The following DCAF5 variants were observed in gnomAD, a reference collection of about 807,000 sequenced individuals.
DCAF5 encodes DDB1 and CUL4 associated factor 5.
In DCAF5, 9 loss-of-function variants were observed where a neutral mutation model predicts 80.7. The ratio of observed to expected loss-of-function variants is 0.11; its 90% confidence interval spans 0.07 to 0.19. The LOEUF (loss-of-function observed/expected upper bound fraction) is 0.19. DCAF5 is among the 10% of genes least tolerant of loss of function. The pLI, the probability that DCAF5 is intolerant of heterozygous loss-of-function variation, is 1.00. For synonymous variants in DCAF5, 433 were observed against 461.9 expected (o/e 0.94, Z 0.80); for missense variants, 842 against 1,205.7 (o/e 0.70, Z 4.47).
intron 6 of DCAF5, among the ~76,000 whole-genome samples, chr14:69,078,610 A>G (rs1460007928): frequency 6.6e-6 from 1 of 152,202 alleles, no homozygotes; most frequent in African/African-American, 2.4e-5. Context: ...ATGCTACAAC[A>G]TGGATCAACT....
chr14:69,084,707 T>G, intron 6 of DCAF5: 1 of 1,285,526 alleles, frequency 7.8e-7, no homozygotes, highest in Non-Finnish European at 1.1e-6. Context: ...CCACTATGAG[T>G]TGCTGAACTA....
At chr14:69,148,120 A>T (rs1186159831) in intron 1 of DCAF5, among the ~76,000 whole-genome samples, 3 of 147,272 alleles carry the variant, frequency 2.0e-5, no homozygotes, top group African/African-American at 7.3e-5. Context: ...AAAAAAAAAA[A>T]ACTTTAAACA....
At chr14:69,062,661 T>C (rs2139849808) in intron 7 of DCAF5, 150 bp from the exon 8 acceptor site, 1 of 855,232 alleles carries the variant, frequency 1.2e-6, no homozygotes, top group East Asian at 2.7e-5. Context: ...TAAGTTGCTA[T>C]GGAAAGAGAG....
intron 5 of DCAF5, among the ~76,000 whole-genome samples, chr14:69,098,715 C>T (rs1221350165): frequency 1.8e-4 from 21 of 113,670 alleles, no homozygotes; most frequent in African/African-American, 7.2e-4. Flanking sequence ...AACTCTGTCT[C>T]TACTAAAAAT....
At position 69,054,271 on chromosome 14, in the gene DCAF5, G is replaced by T. The variant is rs2037865125; in HGVS notation, c.2415C>A (p.Leu805=). ...TGGGACAGTTGCCAGACCCGCTGTT[G>T]AGAGTGGAGCCAGATGCCTTGGGGA... ...PPVPKASGST[L]NSGSGNCPRT... Residue 805 remains leucine (L), a synonymous_variant, in exon 9 of 9, where the codon CTC becomes CTA. Coordinates refer to ENST00000341516, the MANE Select transcript of DCAF5 (RefSeq NM_003861.3). 1 of 1,614,142 alleles carries T rather than the reference G, an allele frequency of 6.2e-7. No individual in the cohort carries two copies. The highest frequency in any genetic ancestry group is 1.3e-5 in the African/African-American group (1 of 74,956).
At chr14:69,087,633 G>C (rs571144635) in intron 6 of DCAF5, among the ~76,000 whole-genome samples, 2 of 152,286 alleles carry the variant, frequency 1.3e-5, no homozygotes, top group Non-Finnish European at 2.9e-5. Flanking sequence ...GTAGCCAAAA[G>C]GGGGGAAGAC....
intron 8 of DCAF5, among the ~76,000 whole-genome samples, chr14:69,060,692 C>G (rs918004694): frequency 6.6e-6 from 1 of 152,066 alleles, no homozygotes; most frequent in Non-Finnish European, 1.5e-5. Flanking sequence ...CCACCACACC[C>G]GACTAATTTT....
intron 6 of DCAF5, chr14:69,084,189 T>C (rs560171239): frequency 2.1e-6 from 2 of 949,402 alleles, no homozygotes. Context: ...TTTGGTGTTC[T>C]TAAGGAGCTA....
At chr14:69,066,478 A>G (rs2139864453) in intron 7 of DCAF5, among the ~76,000 whole-genome samples, 1 of 152,256 alleles carries the variant, frequency 6.6e-6, no homozygotes, top group African/African-American at 2.4e-5. Flanking sequence ...TTGAGGCCAA[A>G]GTCCCCATAT....
chr14:69,076,538 AAGAC>A (rs1267817071), intron 6 of DCAF5, among the ~76,000 whole-genome samples: 3 of 152,232 alleles, frequency 2.0e-5, no homozygotes, highest in African/African-American at 7.2e-5. Context: ...CAGAAACAAA[AAGAC>A]AGATATTGTA....
At position 69,054,695 on chromosome 14, in the gene DCAF5, T is replaced by C. The variant is rs1276460945; in HGVS notation, c.1991A>G (p.Tyr664Cys). The C allele has an allele frequency of 1.2e-6, 2 of 1,614,144 alleles. No individual in the cohort carries two copies. Among genetic ancestry groups the C allele is most frequent in the Non-Finnish European group, 1.7e-6 (2 of 1,180,060 alleles). ...GATATAAGAGTAGCGGAGCCACTTG[T>C]AAGCTTTATAAATTTTTCGCTCAAC... ...ESVERKIYKA[Y>C]KWLRYSYISY... Residue 664 changes from tyrosine (Y) to cysteine (C), a missense_variant, in exon 9 of 9, where the codon TAC becomes TGC. Physicochemically the swap from Tyr to Cys is radical, Grantham distance 194. Coordinates refer to ENST00000341516, the MANE Select transcript of DCAF5 (RefSeq NM_003861.3).
In DCAF5 at chr14:69,055,054, T is replaced by G. The variant is rs1305040538; in HGVS notation, c.1632A>C (p.Thr544=). The change falls in exon 9 of 9, where the codon ACA becomes ACC. Residue 544 remains threonine (T), a synonymous_variant. Coordinates refer to ENST00000341516, the MANE Select transcript of DCAF5 (RefSeq NM_003861.3). The surrounding 1 kb of genome is among the most constrained non-coding windows in gnomAD (Gnocchi z 5.6). ...EENVCEVELD[T]DLFPRPRSPS... is the part of the protein sequence containing the mutation. The stretch of plus-strand genomic sequence containing the variant: ...GTGACCGTGGCCGGGGAAAGAGATC[T>G]GTGTCTAGTTCCACCTCACAGACAT... 6.2e-7 allele frequency: 1 copy of G among 1,614,210 alleles called. No individual in the cohort carries two copies. The highest frequency in any genetic ancestry group is 8.5e-7 in the Non-Finnish European group (1 of 1,180,032).
At chr14:69,085,097 C>CT in intron 6 of DCAF5, 1 of 908,522 alleles carries the variant, frequency 1.1e-6, no homozygotes, top group Non-Finnish European at 1.8e-6. Flanking sequence ...AAAAGAACTA[C>CT]TTTTTTCATA....
At chr14:69,074,190 C>A (rs143520455) in intron 7 of DCAF5, among the ~76,000 whole-genome samples, 1 of 152,170 alleles carries the variant, frequency 6.6e-6, no homozygotes, top group Non-Finnish European at 1.5e-5. Context: ...ACTATAGACA[C>A]GTTTTGTGTA....
chr14:69,150,289 G>A (rs1275784171), intron 1 of DCAF5, among the ~76,000 whole-genome samples: 2 of 152,152 alleles, frequency 1.3e-5, no homozygotes, highest in Admixed American at 6.6e-5. Context: ...TGGAACCCAG[G>A]AAGTACTGAT....
chr14:69,077,298 G>A (rs1045546722), intron 6 of DCAF5, among the ~76,000 whole-genome samples: 1 of 152,176 alleles, frequency 6.6e-6, no homozygotes, highest in African/African-American at 2.4e-5. Context: ...GACCTCCTGG[G>A]CTCCAGTGAT....
At chr14:69,070,834 G>A (rs951896099) in intron 7 of DCAF5, among the ~76,000 whole-genome samples, 1 of 145,010 alleles carries the variant, frequency 6.9e-6, no homozygotes, top group Non-Finnish European at 1.5e-5. Flanking sequence ...AGTCTCCTCT[G>A]TCACCCAGGC....
At chr14:69,086,634 A>G (rs2039333603) in intron 6 of DCAF5, among the ~76,000 whole-genome samples, 1 of 152,062 alleles carries the variant, frequency 6.6e-6, no homozygotes, top group African/African-American at 2.4e-5. Flanking sequence ...AAAAAAAAAA[A>G]AAAAGCAAAG....
At chr14:69,110,362 T>A (rs1197531906) in intron 5 of DCAF5, among the ~76,000 whole-genome samples, 4 of 148,630 alleles carry the variant, frequency 2.7e-5, no homozygotes, top group African/African-American at 9.9e-5. Context: ...CTCCACCTCC[T>A]GGGTTCAAGC....
Sources: allele counts gnomAD v4.1 joint callset (sites outside exome capture counted in the v4.1 genomes callset), GRCh38; gene constraint gnomAD v4.1.1; non-coding constraint Gnocchi (gnomAD v3.1); transcripts MANE v1.5; gene names NCBI Gene and HGNC (gene_info 2026-07-23, HGNC 2026-07-21).